The following NIPAL2 variants were observed in gnomAD, a reference collection of about 807,000 sequenced individuals.
NIPAL2 encodes NIPA-like protein 2.
Under a neutral mutation model 48.9 loss-of-function variants are expected in NIPAL2, and 43 were observed. The ratio of observed to expected loss-of-function variants is 0.88; its 90% CI spans 0.69 to 1.13. NIPAL2 has a LOEUF of 1.13. NIPAL2 is among the 50% of genes most tolerant of loss of function. The pLI is 0.00. For missense variants in NIPAL2, 446 were observed against 461.4 expected (o/e 0.97, Z 0.31); for synonymous variants, 167 against 174.6 (o/e 0.96, Z 0.34).
chr8:98,268,917 A>G (rs1814952664), intron 1 of NIPAL2, among the ~76,000 whole-genome samples: 1 of 152,240 alleles, frequency 6.6e-6, no homozygotes, highest in Non-Finnish European at 1.5e-5. Flanking sequence ...AATGCTAATT[A>G]TCATCTGAAC....
intron 6 of NIPAL2, among the ~76,000 whole-genome samples, chr8:98,208,308 A>T (rs1217894691): frequency 1.3e-5 from 2 of 151,990 alleles, no homozygotes; most frequent in Non-Finnish European, 2.9e-5. Context: ...CCTTTCAAAA[A>T]TTTTTCTAGG....
At chr8:98,258,054 TCTC>T (rs1174067727) in intron 1 of NIPAL2, among the ~76,000 whole-genome samples, 4 of 152,180 alleles carry the variant, frequency 2.6e-5, no homozygotes, top group Admixed American at 6.5e-5. Context: ...TCAGAATAAA[TCTC>T]CTCAAATATT....
chr8:98,269,292 A>T (rs140360389), intron 1 of NIPAL2, among the ~76,000 whole-genome samples: 141 of 152,214 alleles, frequency 9.3e-4, no homozygotes, highest in Non-Finnish European at 1.8e-3. Flanking sequence ...GGCTAGATCC[A>T]TCAGAGGAAT....
chr8:98,283,250 A>C (rs2130906533), intron 1 of NIPAL2, among the ~76,000 whole-genome samples: 1 of 152,338 alleles, frequency 6.6e-6, no homozygotes, highest in East Asian at 1.9e-4. Flanking sequence ...AGAAGCCACC[A>C]GGTTTTTTCA....
chr8:98,289,780 G>A (rs1472528866), intron 1 of NIPAL2, among the ~76,000 whole-genome samples: 1 of 152,152 alleles, frequency 6.6e-6, no homozygotes, highest in Non-Finnish European at 1.5e-5. Flanking sequence ...TCTTAGGAAG[G>A]AAATGGAAAG....
At chr8:98,195,663 C>T (rs367602146) in intron 9 of NIPAL2, 3 of 309,658 alleles carry the variant, frequency 9.7e-6, no homozygotes, top group Non-Finnish European at 1.2e-5. Context: ...ACAGAAAGGT[C>T]GTGCAGTAAC....
chr8:98,291,142 G>A (rs1221770977), intron 1 of NIPAL2, among the ~76,000 whole-genome samples: 1 of 152,060 alleles, frequency 6.6e-6, no homozygotes, highest in Non-Finnish European at 1.5e-5. Flanking sequence ...TGTCTGCAAG[G>A]TAAAGTCCAA....
chr8:98,195,242 A>G (rs545502924), intron 9 of NIPAL2, among the ~76,000 whole-genome samples: 4 of 152,334 alleles, frequency 2.6e-5, no homozygotes, highest in African/African-American at 4.8e-5. Flanking sequence ...GCCTTGCCCA[A>G]TTATCTTATG....
chr8:98,246,609 T>A (rs1259640071), intron 3 of NIPAL2, among the ~76,000 whole-genome samples: 1 of 152,198 alleles, frequency 6.6e-6, no homozygotes, highest in African/African-American at 2.4e-5. Flanking sequence ...AGGTAATGAG[T>A]TTATGTGTCT....
intron 1 of NIPAL2, among the ~76,000 whole-genome samples, chr8:98,269,801 A>T (rs556514286): frequency 4.6e-5 from 7 of 152,092 alleles, no homozygotes; most frequent in Non-Finnish European, 8.8e-5. Context: ...TAGACAGTGA[A>T]TATAGTACTC....
Position 98,265,972 on chromosome 8 carries a change from A to G in NIPAL2, c.136-11885T>C, listed in dbSNP as rs1317116940. On this transcript the variant is annotated intron_variant, in intron 1 of 10. Coordinates refer to ENST00000430223, the MANE Select transcript of NIPAL2 (RefSeq NM_001321635.2). ...CAGCCATAAAAAATGATGAGTTCATATCCTTTGTAGGGACATGGATGAAAT... is the reference window on the plus strand; with the variant it reads ...CAGCCATAAAAAATGATGAGTTCATGTCCTTTGTAGGGACATGGATGAAAT... 2.6e-5 allele frequency among the ~76,000 whole-genome samples: 4 copies of G among 151,976 alleles called. No homozygotes were observed. The South Asian group carries it at 6.2e-4, about 24-fold the overall frequency.
chr8:98,228,724 A>G (rs1259889760), intron 4 of NIPAL2, among the ~76,000 whole-genome samples: 1 of 152,120 alleles, frequency 6.6e-6, no homozygotes, highest in Non-Finnish European at 1.5e-5. Flanking sequence ...TTAAGCTTAA[A>G]AATTAGTCCA....
At chr8:98,207,062 T>G (rs549628483) in intron 6 of NIPAL2, among the ~76,000 whole-genome samples, 1 of 152,302 alleles carries the variant, frequency 6.6e-6, no homozygotes, top group East Asian at 1.9e-4. Context: ...TTCTAAACAC[T>G]GCCTGAAATT....
chr8:98,250,790 G>C (rs1402797250), intron 3 of NIPAL2, among the ~76,000 whole-genome samples: 1 of 152,124 alleles, frequency 6.6e-6, no homozygotes, highest in Non-Finnish European at 1.5e-5. Flanking sequence ...CTTTCTGAGT[G>C]GAAGATTGGA....
intron 3 of NIPAL2, among the ~76,000 whole-genome samples, chr8:98,237,078 T>C (rs1408235165): frequency 6.6e-6 from 1 of 151,936 alleles, no homozygotes; most frequent in Non-Finnish European, 1.5e-5. Context: ...TTCTTTTTTT[T>C]GAGACAGGGT....
chr8:98,262,181 A>G (rs1180950561), intron 1 of NIPAL2, among the ~76,000 whole-genome samples: 1 of 150,748 alleles, frequency 6.6e-6, no homozygotes, highest in Non-Finnish European at 1.5e-5. Context: ...ATCATGCCAA[A>G]ATGTAAAGAC....
At chr8:98,206,778 A>G (rs1212473760) in intron 6 of NIPAL2, among the ~76,000 whole-genome samples, 1 of 63,184 alleles carries the variant, frequency 1.6e-5, no homozygotes, top group Non-Finnish European at 3.5e-5. Context: ...CTCTGTCTCA[A>G]AAAAAAAAAA....
intron 7 of NIPAL2, among the ~76,000 whole-genome samples, chr8:98,203,485 T>G (rs1198908321): frequency 6.6e-6 from 1 of 152,194 alleles, no homozygotes; most frequent in Non-Finnish European, 1.5e-5. Flanking sequence ...GCTGGACCAG[T>G]ATCACACTGG....
At chr8:98,252,343 C>T in intron 3 of NIPAL2, 120 bp downstream of exon 3, 1 of 906,062 alleles carries the variant, frequency 1.1e-6, no homozygotes, top group Non-Finnish European at 1.6e-6. Context: ...TCCATGTTAA[C>T]GTGATAAGAA....
Sources: allele counts gnomAD v4.1 joint callset (sites outside exome capture counted in the v4.1 genomes callset), GRCh38; gene constraint gnomAD v4.1.1; transcripts MANE v1.5; gene names NCBI Gene and HGNC (gene_info 2026-07-23, HGNC 2026-07-21).